CCBE1: variants seen among roughly 807,000 people sequenced by gnomAD.
CCBE1 encodes the protein collagen and calcium binding EGF domains 1, also known as collagen and calcium-binding EGF domain-containing protein 1.
CCBE1 carries 37 observed loss-of-function variants against 50.0 expected under a neutral mutation model. The observed-to-expected ratio is 0.74, with a 90% CI of 0.57 to 0.97. CCBE1 has a LOEUF of 0.97. Among genes scored for constraint, CCBE1 ranks in the 50% least tolerant of loss-of-function variants. The probability of loss-of-function intolerance (pLI) is 0.00; values close to 1 mark genes in which losing one functional copy is unlikely to be tolerated. For missense variants in CCBE1, 538 were observed against 523.8 expected, an observed-to-expected ratio of 1.03 and a Z score of -0.26; for synonymous variants, 234 against 203.7, an observed-to-expected ratio of 1.15 and a Z score of -1.27.
chr18:59,437,665 C>T lies in CCBE1; in HGVS notation c.987+446G>A, dbSNP rs572639562. ...ATATGCAGCTAATTTCTTCTCAGGT[C>T]CTAAACAGCCCTGCGTGGTTTTGCA... On this transcript the variant is annotated intron_variant, in intron 10 of 10. Coordinates refer to ENST00000439986, the MANE Select transcript of CCBE1 (RefSeq NM_133459.4). Among the ~76,000 whole-genome samples the T allele has an allele frequency of 3.4e-5, 5 of 145,524 alleles. No individual in the cohort carries two copies. In the South Asian group the frequency reaches 7.0e-4, roughly 20 times the overall value.
intron 2 of CCBE1, among the ~76,000 whole-genome samples, chr18:59,565,755 AT>A (rs35917762): frequency 0.02 from 2,895 of 147,394 alleles, 82 homozygotes; most frequent in African/African-American, 0.067. Context: ...TTGTCACTAG[AT>A]TTTTTTTTTT....
intron 2 of CCBE1, among the ~76,000 whole-genome samples, chr18:59,585,627 C>G (rs2053168821): frequency 6.6e-6 from 1 of 152,134 alleles, no homozygotes; most frequent in Non-Finnish European, 1.5e-5. Context: ...TAAGTATCAG[C>G]AAAACAACTT....
In CCBE1 at chr18:59,439,696, T is replaced by C; in HGVS notation, c.896A>G (p.Gln299Arg). ...ACTGACCACAGGGCCCCTCCGGCCTTGCTTAATGTGGGACAGATCAGGAGA... is the reference window on the plus strand; with the variant it reads ...ACTGACCACAGGGCCCCTCCGGCCTCGCTTAATGTGGGACAGATCAGGAGA... ...GPSPDLSHIKQGRRGPVGPPG... is the reference protein window; with the variant it reads ...GPSPDLSHIKRGRRGPVGPPG... Residue 299 changes from glutamine (Q) to arginine (R), a missense_variant, in exon 8 of 11, where the codon CAA becomes CGA. Transcript: ENST00000439986. The C allele has an allele frequency of 2.5e-6, 4 of 1,614,242 alleles. No individual in the cohort carries two copies. Among genetic ancestry groups the C allele is most frequent in the Non-Finnish European group, 3.4e-6 (4 of 1,180,042 alleles).
intron 2 of CCBE1, among the ~76,000 whole-genome samples, chr18:59,552,479 C>G (rs1915965169): frequency 6.6e-6 from 1 of 152,228 alleles, no homozygotes; most frequent in Non-Finnish European, 1.5e-5. Context: ...TTTCCTCCCA[C>G]TAGCCTACAT....
intron 10 of CCBE1, 30 bp from the exon 11 acceptor site, chr18:59,436,171 A>G: frequency 6.2e-7 from 1 of 1,603,266 alleles, no homozygotes; most frequent in Non-Finnish European, 8.5e-7. Context: ...CAAAGCTAGA[A>G]TACGACAGAC....
Position 59,515,201 on chromosome 18 carries a change from C to T in CCBE1, c.213-34963G>A, listed in dbSNP as rs150995043. Among the ~76,000 whole-genome samples the T allele has an allele frequency of 9.8e-5, 15 of 152,328 alleles. 1 individual carries two copies. In the South Asian group the frequency reaches 1.4e-3, roughly 15 times the overall value. On this transcript the variant is annotated intron_variant, in intron 2 of 10. Coordinates refer to ENST00000439986, the MANE Select transcript of CCBE1 (RefSeq NM_133459.4). ...ACGGTTGCAACCTACACGTTCTTTG[C>T]GCTGAGCCACACATCTGTCTGTAAA...
chr18:59,678,635 C>T (rs1284074950), intron 2 of CCBE1, among the ~76,000 whole-genome samples: 2 of 152,162 alleles, frequency 1.3e-5, no homozygotes, highest in East Asian at 1.9e-4. Context: ...CAGGTTCAAG[C>T]GATTCTCCTG....
intron 2 of CCBE1, among the ~76,000 whole-genome samples, chr18:59,692,955 A>AACAC (rs1568276448): frequency 0.026 from 3,781 of 143,100 alleles, 92 homozygotes; most frequent in Admixed American, 0.032. Flanking sequence ...GTCAAGCCAA[A>AACAC]GCACACACAC....
intron 3 of CCBE1, among the ~76,000 whole-genome samples, chr18:59,471,458 C>T (rs143247279): frequency 4.1e-4 from 62 of 152,182 alleles, no homozygotes; most frequent in Non-Finnish European, 7.1e-4. Context: ...TATTTTGGTG[C>T]GGTAATTGTT....
intron 2 of CCBE1, among the ~76,000 whole-genome samples, chr18:59,495,489 A>T (rs11876608): frequency 0.33 from 49,311 of 150,836 alleles, 8,935 homozygotes; most frequent in African/African-American, 0.48. Context: ...CATCCTTGAC[A>T]TCACTTCCCT....
chr18:59,535,474 T>A (rs148949659), intron 2 of CCBE1, among the ~76,000 whole-genome samples: 1 of 152,218 alleles, frequency 6.6e-6, no homozygotes, highest in East Asian at 1.9e-4. Flanking sequence ...ATAATCACCA[T>A]GAAAAGTAAC....
intron 2 of CCBE1, among the ~76,000 whole-genome samples, chr18:59,510,820 G>A (rs1914099938): frequency 6.6e-6 from 1 of 152,208 alleles, no homozygotes; most frequent in African/African-American, 2.4e-5. Flanking sequence ...TTGCATGCAT[G>A]CATAAAGAAA....
chr18:59,658,936 T>C (rs1235548373), intron 2 of CCBE1, among the ~76,000 whole-genome samples: 1 of 130,658 alleles, frequency 7.7e-6, no homozygotes, highest in Non-Finnish European at 1.6e-5. Context: ...TTATTGTATA[T>C]AAATCATCAT....
intron 2 of CCBE1, among the ~76,000 whole-genome samples, chr18:59,679,020 T>C (rs1354157445): frequency 6.6e-6 from 1 of 152,240 alleles, no homozygotes; most frequent in African/African-American, 2.4e-5. Flanking sequence ...AATTTTCATC[T>C]GATAAGAATA....
At chr18:59,670,740 G>A (rs1057287038) in intron 2 of CCBE1, among the ~76,000 whole-genome samples, 5 of 152,076 alleles carry the variant, frequency 3.3e-5, no homozygotes, top group African/African-American at 1.2e-4. Context: ...CTGAGGTCAG[G>A]AGTTTGAGAC....
intron 7 of CCBE1, among the ~76,000 whole-genome samples, chr18:59,447,630 A>C (rs1404487497): frequency 6.6e-6 from 1 of 152,116 alleles, no homozygotes; most frequent in Non-Finnish European, 1.5e-5. Context: ...AGCCCCAAGC[A>C]GGGGGGGTTC....
At chr18:59,622,510 A>G (rs1441861013) in intron 2 of CCBE1, among the ~76,000 whole-genome samples, 3 of 150,062 alleles carry the variant, frequency 2.0e-5, no homozygotes, top group Non-Finnish European at 3.0e-5. Flanking sequence ...TCTTAAAGAA[A>G]AAAAAAAAAA....
chr18:59,577,672 G>A (rs1022690100), intron 2 of CCBE1, among the ~76,000 whole-genome samples: 4 of 152,152 alleles, frequency 2.6e-5, no homozygotes, highest in East Asian at 3.8e-4. Context: ...GTGTGTTAGC[G>A]GTTCAACAAA....
chr18:59,594,145 C>G (rs533071711), intron 2 of CCBE1, among the ~76,000 whole-genome samples: 60 of 152,316 alleles, frequency 3.9e-4, no homozygotes, highest in African/African-American at 1.4e-3. Flanking sequence ...GCCCCCAAAA[C>G]CAAGGCAAGC....
Sources: gnomAD v4.1 joint callset for allele counts (sites outside exome capture counted in the v4.1 genomes callset) on GRCh38, gnomAD v4.1.1 for gene constraint, MANE v1.5 for transcripts, NCBI Gene and HGNC (gene_info 2026-07-23, HGNC 2026-07-21) for gene names.